Variants in DLGAP2 observed in about 807,000 individuals in gnomAD.
DLGAP2 encodes disks large-associated protein 2.
Under a neutral mutation model 100.3 loss-of-function variants are expected in DLGAP2, and 26 were observed. The ratio of observed to expected loss-of-function variants is 0.26; its 90% CI spans 0.19 to 0.36. The LOEUF is 0.36. DLGAP2 is among the 10% of genes least tolerant of loss of function. The pLI is 1.00. For missense variants in DLGAP2, 1,858 were observed against 1,453.2 expected (o/e 1.28, Z -4.53); for synonymous variants, 886 against 630.1 (o/e 1.41, Z -6.08).
intron 2 of DLGAP2, among the ~76,000 whole-genome samples, chr8:930,173 A>G (rs1231122197): frequency 6.6e-6 from 1 of 152,186 alleles, no homozygotes; most frequent in East Asian, 1.9e-4. Context: ...TGAGTGACTC[A>G]CTGTAGAACC....
chr8:1,281,699 G>A (rs995288880), intron 3 of DLGAP2, among the ~76,000 whole-genome samples: 1 of 152,180 alleles, frequency 6.6e-6, no homozygotes, highest in Non-Finnish European at 1.5e-5. Context: ...ACTCCCTAAG[G>A]AGGAGCTGAC....
At chr8:1,135,408 T>G (rs1796384678) in intron 2 of DLGAP2, among the ~76,000 whole-genome samples, 1 of 151,132 alleles carries the variant, frequency 6.6e-6, no homozygotes, top group African/African-American at 2.4e-5. Flanking sequence ...CCTTTGAGGG[T>G]GCGTCAGTGG....
intron 3 of DLGAP2, among the ~76,000 whole-genome samples, chr8:1,427,658 G>A (rs1797274057): frequency 6.6e-6 from 1 of 152,122 alleles, no homozygotes; most frequent in Non-Finnish European, 1.5e-5. Context: ...GATAGTGAAT[G>A]AGTCTCATGA....
Position 1,466,035 on chromosome 8 carries a change from C to T in DLGAP2, c.107-35331C>T, listed in dbSNP as rs533784231. The stretch of plus-strand genomic sequence containing the variant: ...GGAGTCATGAGGCGGGCACCGTGGG[C>T]GAAAGCCGGTTGCATCCATCGTGAC... On this transcript the variant is annotated intron_variant, in intron 3 of 14. Coordinates refer to ENST00000637795, the MANE Select transcript of DLGAP2 (RefSeq NM_001346810.2). Among the ~76,000 whole-genome samples, 188 of 152,232 alleles carry T rather than the reference C, an allele frequency of 1.2e-3. 1 individual carries two copies. Among genetic ancestry groups the T allele is most frequent in the Non-Finnish European group, 1.8e-3 (124 of 68,014 alleles).
At chr8:843,711 G>A (rs1797024585) in intron 1 of DLGAP2, among the ~76,000 whole-genome samples, 1 of 152,218 alleles carries the variant, frequency 6.6e-6, no homozygotes, top group Non-Finnish European at 1.5e-5. Flanking sequence ...TGATTGGTCT[G>A]GGAGGATTGA....
chr8:998,388 A>G (rs556092924), intron 2 of DLGAP2, among the ~76,000 whole-genome samples: 5 of 150,600 alleles, frequency 3.3e-5, no homozygotes, highest in African/African-American at 1.2e-4. Context: ...GCCGCCTTGA[A>G]CTCCTGGGCT....
chr8:932,873 A>G (rs1054575224), intron 2 of DLGAP2, among the ~76,000 whole-genome samples: 1 of 152,216 alleles, frequency 6.6e-6, no homozygotes, highest in East Asian at 1.9e-4. Flanking sequence ...TTTGAAAAAG[A>G]TCAGTCAGCA....
intron 2 of DLGAP2, among the ~76,000 whole-genome samples, chr8:1,108,873 G>C (rs1361268992): frequency 7.7e-6 from 1 of 130,390 alleles, no homozygotes; most frequent in East Asian, 2.6e-4. Flanking sequence ...GGGTCTGTGA[G>C]ATGTGCATGG....
intron 6 of DLGAP2, among the ~76,000 whole-genome samples, chr8:1,591,187 C>G (rs1377411184): frequency 6.6e-6 from 1 of 152,158 alleles, no homozygotes; most frequent in Non-Finnish European, 1.5e-5. Flanking sequence ...AGTCTGTTTT[C>G]CTATTCAAAG....
intron 2 of DLGAP2, among the ~76,000 whole-genome samples, chr8:1,131,558 C>A (rs1014254088): frequency 5.3e-5 from 8 of 152,190 alleles, no homozygotes; most frequent in Non-Finnish European, 1.2e-4. Flanking sequence ...CTCCTCTTAC[C>A]GTCCCACTGG....
Position 1,534,684 on chromosome 8 carries a change from C to T in DLGAP2, c.173-13942C>T, listed in dbSNP as rs570647969. 3.3e-5 allele frequency among the ~76,000 whole-genome samples: 5 copies of T among 152,058 alleles called. No homozygotes were observed. The South Asian group carries it at 1.0e-3, about 32-fold the overall frequency. The stretch of plus-strand genomic sequence containing the variant: ...GTTTCTTAAAGATGGATTTTTTGTC[C>T]ATCTCGCTATTGAACCTGCTGGTCT... On this transcript the variant is annotated intron_variant, in intron 4 of 14. Coordinates refer to ENST00000637795, the MANE Select transcript of DLGAP2 (RefSeq NM_001346810.2).
At chr8:1,092,546 C>T (rs1444426214) in intron 2 of DLGAP2, among the ~76,000 whole-genome samples, 1 of 152,202 alleles carries the variant, frequency 6.6e-6, no homozygotes, top group African/African-American at 2.4e-5. Flanking sequence ...GAAGAGGGGG[C>T]TGTGGCCGGC....
intron 2 of DLGAP2, among the ~76,000 whole-genome samples, chr8:955,091 T>C (rs754721856): frequency 5.3e-5 from 8 of 151,922 alleles, no homozygotes; most frequent in Non-Finnish European, 1.0e-4. Context: ...TTGATCTCTG[T>C]GAAAGGCCAT....
rs141219403 is a variant in DLGAP2, at chr8:1,682,720, C to T, written c.2704+4091C>T. On this transcript the variant is annotated intron_variant, in intron 12 of 14. Coordinates refer to ENST00000637795, the MANE Select transcript of DLGAP2 (RefSeq NM_001346810.2). ...AACTCCTGGCCTCAAGTGATCTGCC[C>T]CCCTTGCCCTTGCAAAGTGCTAGGA... Among the ~76,000 whole-genome samples the T allele has an allele frequency of 6.6e-5, 10 of 151,488 alleles. No homozygotes were observed. The East Asian group carries it at 1.4e-3, about 20-fold the overall frequency.
intron 1 of DLGAP2, among the ~76,000 whole-genome samples, chr8:842,669 G>C (rs1282804340): frequency 6.6e-6 from 1 of 152,044 alleles, no homozygotes; most frequent in African/African-American, 2.4e-5. Flanking sequence ...CACTTTTAGA[G>C]ATTCTTATTA....
At chr8:927,057 G>C in intron 2 of DLGAP2, 1 of 985,444 alleles carries the variant, frequency 1.0e-6, no homozygotes, top group Non-Finnish European at 1.2e-6. Context: ...TGGAGGAGCC[G>C]ATGTGGGAGA....
chr8:1,614,041 C>T (rs937152984), intron 6 of DLGAP2, among the ~76,000 whole-genome samples: 35 of 152,104 alleles, frequency 2.3e-4, no homozygotes, highest in African/African-American at 7.5e-4. Flanking sequence ...GAAAATGGGC[C>T]TCAGGAGGCC....
At position 1,549,491 on chromosome 8, in the gene DLGAP2, C is replaced by A; in HGVS notation, c.1038C>A (p.Asn346Lys). The change falls in exon 5 of 15, where the codon AAC (asparagine) becomes AAA (lysine). Residue 346 changes from asparagine (N) to lysine (K), a missense_variant. Coordinates refer to ENST00000637795, the MANE Select transcript of DLGAP2 (RefSeq NM_001346810.2). Reference protein sequence around the residue: ...GDLSLKTSKSNNDVKCSACEG... With the variant: ...GDLSLKTSKSKNDVKCSACEG... Reference sequence around the variant, plus strand: ...TGTCCCTCAAGACCTCCAAGAGCAACAACGACGTCAAGTGCTCGGCCTGTG... The same window carrying A: ...TGTCCCTCAAGACCTCCAAGAGCAAAAACGACGTCAAGTGCTCGGCCTGTG... 3 of 1,613,542 alleles carry A rather than the reference C, an allele frequency of 1.9e-6. No individual in the cohort carries two copies. Among genetic ancestry groups the A allele is most frequent in the Middle Eastern group, 1.6e-4 (1 of 6,062 alleles).
chr8:1,600,931 C>T (rs1478127645), intron 6 of DLGAP2, among the ~76,000 whole-genome samples: 1 of 152,114 alleles, frequency 6.6e-6, no homozygotes, highest in Admixed American at 6.5e-5. Context: ...GAGTTGTGAT[C>T]GTTTGGAGGA....
Sources: allele counts gnomAD v4.1 joint callset (sites outside exome capture counted in the v4.1 genomes callset), GRCh38; gene constraint gnomAD v4.1.1; transcripts MANE v1.5; gene names NCBI Gene and HGNC (gene_info 2026-07-23, HGNC 2026-07-21).